CDH18: variants seen among roughly 807,000 people sequenced by gnomAD.
The protein encoded by CDH18 is cadherin-18.
In CDH18, 31 loss-of-function variants were observed where a neutral mutation model predicts 67.9. The ratio of observed to expected loss-of-function variants is 0.46; its 90% confidence interval spans 0.34 to 0.62. The LOEUF is 0.62. CDH18 is among the 20% of genes least tolerant of loss of function. The pLI is 0.01. For synonymous variants in CDH18, 362 were observed against 347.2 expected, an observed-to-expected ratio of 1.04 and a Z score of -0.48; for missense variants, 890 against 975.5, an observed-to-expected ratio of 0.91 and a Z score of 1.17.
intron 1 of CDH18, among the ~76,000 whole-genome samples, chr5:20,354,087 A>G (rs1293586241): frequency 1.3e-5 from 2 of 152,220 alleles, no homozygotes; most frequent in South Asian, 2.1e-4. Context: ...CAGCTTATCC[A>G]CTTTGGATAT....
At chr5:19,987,046 G>A (rs1282514699) in intron 1 of CDH18, among the ~76,000 whole-genome samples, 2 of 151,984 alleles carry the variant, frequency 1.3e-5, no homozygotes, top group Admixed American at 6.6e-5. Context: ...TGAGCAAACC[G>A]AAAACCATAA....
At chr5:19,479,638 C>T (rs919065839) in intron 12 of CDH18, among the ~76,000 whole-genome samples, 1 of 152,130 alleles carries the variant, frequency 6.6e-6, no homozygotes, top group Non-Finnish European at 1.5e-5. Flanking sequence ...CGTGTTCACA[C>T]CAAACCCACT....
chr5:20,077,072 C>T (rs112101082), intron 2 of CDH18, among the ~76,000 whole-genome samples: 1 of 152,054 alleles, frequency 6.6e-6, no homozygotes, highest in Non-Finnish European at 1.5e-5. Flanking sequence ...GCCCTTGAAA[C>T]TGATGTTGAC....
chr5:19,646,861 G>A (rs915050354), intron 5 of CDH18, among the ~76,000 whole-genome samples: 7 of 152,050 alleles, frequency 4.6e-5, no homozygotes, highest in Non-Finnish European at 1.0e-4. Flanking sequence ...AATGGTCAAA[G>A]ATAGAAGAAG....
chr5:20,206,769 C>T (rs1483884492), intron 2 of CDH18, among the ~76,000 whole-genome samples: 1 of 151,770 alleles, frequency 6.6e-6, no homozygotes, highest in African/African-American at 2.4e-5. Context: ...TCAATAGATG[C>T]TGAAAAAACA....
intron 3 of CDH18, among the ~76,000 whole-genome samples, chr5:19,787,507 A>C (rs1387879623): frequency 6.6e-6 from 1 of 152,164 alleles, no homozygotes; most frequent in African/African-American, 2.4e-5. Flanking sequence ...AATATAAAAC[A>C]GCATTATTTT....
At chr5:19,537,617 C>T (rs770301) in intron 9 of CDH18, among the ~76,000 whole-genome samples, 82,361 of 151,800 alleles carry the variant, frequency 0.54, 23,255 homozygotes, top group African/African-American at 0.7. Flanking sequence ...CATTATCCTC[C>T]CTATGAAACC....
At chr5:19,713,256 T>G (rs1426886743) in intron 5 of CDH18, among the ~76,000 whole-genome samples, 1 of 152,116 alleles carries the variant, frequency 6.6e-6, no homozygotes, top group Admixed American at 6.6e-5. Context: ...CTTTTTGATA[T>G]GTAAAGGTAT....
At chr5:19,757,472 T>C (rs1445217976) in intron 3 of CDH18, among the ~76,000 whole-genome samples, 1 of 152,172 alleles carries the variant, frequency 6.6e-6, no homozygotes, top group Non-Finnish European at 1.5e-5. Context: ...TGAGCCCATG[T>C]GTAACCTCCA....
At chr5:19,534,543 ACT>A (rs1192971846) in intron 9 of CDH18, among the ~76,000 whole-genome samples, 1 of 152,116 alleles carries the variant, frequency 6.6e-6, no homozygotes, top group African/African-American at 2.4e-5. Flanking sequence ...ATCAAAGCAA[ACT>A]CATAGCTTAA....
intron 3 of CDH18, among the ~76,000 whole-genome samples, chr5:19,758,799 T>G (rs1771967662): frequency 6.6e-6 from 1 of 152,216 alleles, no homozygotes; most frequent in African/African-American, 2.4e-5. Context: ...GTAGTTGGAT[T>G]TATTCCCCAT....
chr5:20,169,517 C>T (rs1218771907), intron 2 of CDH18, among the ~76,000 whole-genome samples: 2 of 151,970 alleles, frequency 1.3e-5, no homozygotes, highest in Admixed American at 6.6e-5. Context: ...TAATAATGAC[C>T]TTTTCTAATC....
intron 2 of CDH18, among the ~76,000 whole-genome samples, chr5:19,965,154 T>A (rs2150316747): frequency 6.6e-6 from 1 of 152,246 alleles, no homozygotes; most frequent in Admixed American, 6.5e-5. Context: ...TACCCGCGTT[T>A]TAAACAATAG....
At chr5:19,567,077 C>CT (rs1455415341) in intron 8 of CDH18, among the ~76,000 whole-genome samples, 6 of 151,738 alleles carry the variant, frequency 4.0e-5, no homozygotes, top group African/African-American at 1.2e-4. Context: ...TTGTCAGAGG[C>CT]TAGGAAGGGT....
At chr5:19,625,819 C>G (rs758602890) in intron 5 of CDH18, among the ~76,000 whole-genome samples, 1 of 151,702 alleles carries the variant, frequency 6.6e-6, no homozygotes, top group African/African-American at 2.4e-5. Flanking sequence ...GGAGGAGAAG[C>G]CTGGCCCCTC....
chr5:19,785,890 C>T (rs1292136238), intron 3 of CDH18, among the ~76,000 whole-genome samples: 2 of 150,442 alleles, frequency 1.3e-5, no homozygotes, highest in Non-Finnish European at 3.0e-5. Context: ...TCTTGAAAGA[C>T]TAAAACTAAT....
Position 19,521,445 on chromosome 5 carries a change from C to G in CDH18, c.1391-667G>C, listed in dbSNP as rs1218876385. On this transcript the variant is annotated intron_variant, in intron 9 of 12. Transcript: ENST00000382275. ...TATTAATTCTGAGATGTAACAAAAACATAAATGTCTGGTATATTTTACAAG... is the reference window on the plus strand; with the variant it reads ...TATTAATTCTGAGATGTAACAAAAAGATAAATGTCTGGTATATTTTACAAG... Among the ~76,000 whole-genome samples, 5 of 152,170 alleles carry G rather than the reference C, an allele frequency of 3.3e-5. No individual in the cohort carries two copies. The East Asian group carries it at 9.7e-4, about 29-fold the overall frequency.
chr5:19,996,349 T>G (rs1405511704), intron 2 of CDH18, among the ~76,000 whole-genome samples: 2 of 152,096 alleles, frequency 1.3e-5, no homozygotes, highest in Non-Finnish European at 2.9e-5. Flanking sequence ...GTACATGTTT[T>G]GGATTTTCTC....
chr5:20,169,689 T>G (rs2126641344), intron 2 of CDH18, among the ~76,000 whole-genome samples: 1 of 152,272 alleles, frequency 6.6e-6, no homozygotes, highest in Non-Finnish European at 1.5e-5. Context: ...AGTAATCCTC[T>G]ATGTTATTAA....
Sources: allele counts gnomAD v4.1 joint callset (sites outside exome capture counted in the v4.1 genomes callset), GRCh38; gene constraint gnomAD v4.1.1; transcripts MANE v1.5; gene names NCBI Gene and HGNC (gene_info 2026-07-23, HGNC 2026-07-21).